PDZRN4: variants seen among roughly 807,000 people sequenced by gnomAD.
The protein encoded by PDZRN4 is PDZ domain containing ring finger 4.
Under a neutral mutation model 99.0 loss-of-function variants are expected in PDZRN4, and 70 were observed. The ratio of observed to expected loss-of-function variants is 0.71; its 90% CI spans 0.58 to 0.86. The LOEUF (loss-of-function observed/expected upper bound fraction) is 0.86. Ranked by LOEUF, PDZRN4 falls within the 40% of genes least tolerant of loss-of-function variation. The probability of loss-of-function intolerance (pLI) is 0.00; values close to 1 mark genes in which losing one functional copy is unlikely to be tolerated. For missense variants in PDZRN4, 1,474 were observed against 1,331.2 expected, an observed-to-expected ratio of 1.11 and a Z score of -1.67; for synonymous variants, 551 against 501.6, an observed-to-expected ratio of 1.10 and a Z score of -1.32.
At chr12:41,366,595 A>G (rs1013973035) in intron 3 of PDZRN4, among the ~76,000 whole-genome samples, 2 of 152,116 alleles carry the variant, frequency 1.3e-5, no homozygotes, top group Non-Finnish European at 2.9e-5. Context: ...GGAATATACC[A>G]TAATGTTTCC....
intron 3 of PDZRN4, among the ~76,000 whole-genome samples, chr12:41,381,554 C>G (rs1327653523): frequency 2.0e-5 from 3 of 152,010 alleles, no homozygotes; most frequent in Admixed American, 2.0e-4. Context: ...TCATTGTGTT[C>G]TTCAGCTCTT....
intron 3 of PDZRN4, among the ~76,000 whole-genome samples, chr12:41,491,451 G>A (rs1441778558): frequency 6.6e-6 from 1 of 152,172 alleles, no homozygotes; most frequent in Non-Finnish European, 1.5e-5. Flanking sequence ...GAACCTGTGA[G>A]GTGGAGGTTG....
intron 3 of PDZRN4, among the ~76,000 whole-genome samples, chr12:41,224,673 G>A (rs1462950684): frequency 2.0e-5 from 3 of 152,154 alleles, no homozygotes; most frequent in Non-Finnish European, 4.4e-5. Context: ...ATCTGAGTTT[G>A]TGTCTTAGAG....
chr12:41,488,805 T>A (rs539913140), intron 3 of PDZRN4, among the ~76,000 whole-genome samples: 1 of 152,228 alleles, frequency 6.6e-6, no homozygotes, highest in Non-Finnish European at 1.5e-5. Context: ...GGTGAAGCTC[T>A]ATCCTTCAAC....
At chr12:41,437,748 A>G (rs1952643177) in intron 3 of PDZRN4, 9 of 1,487,576 alleles carry the variant, frequency 6.1e-6, no homozygotes, top group Non-Finnish European at 7.1e-6. Flanking sequence ...CAAGATACTT[A>G]GGGAAAGCGA....
intron 3 of PDZRN4, among the ~76,000 whole-genome samples, chr12:41,396,615 G>T (rs1320882167): frequency 6.6e-6 from 1 of 152,114 alleles, no homozygotes; most frequent in Non-Finnish European, 1.5e-5. Context: ...TTTTGATCAA[G>T]GCGTTGGCTG....
intron 3 of PDZRN4, among the ~76,000 whole-genome samples, chr12:41,475,997 T>C (rs1343679266): frequency 6.6e-6 from 1 of 152,126 alleles, no homozygotes; most frequent in East Asian, 1.9e-4. Flanking sequence ...AAATCCTCCT[T>C]AGCACCCAGC....
chr12:41,508,947 G>A (rs899890061), intron 4 of PDZRN4, among the ~76,000 whole-genome samples: 7 of 152,122 alleles, frequency 4.6e-5, no homozygotes, highest in African/African-American at 9.7e-5. Flanking sequence ...GGCTTTTTCA[G>A]TGTCTTTTAG....
At chr12:41,243,513 A>C (rs1418838005) in intron 3 of PDZRN4, among the ~76,000 whole-genome samples, 1 of 152,226 alleles carries the variant, frequency 6.6e-6, no homozygotes, top group Non-Finnish European at 1.5e-5. Flanking sequence ...TTATTCATGC[A>C]AGTGATATCA....
chr12:41,234,374 C>T (rs1198679035), intron 3 of PDZRN4, among the ~76,000 whole-genome samples: 2 of 152,122 alleles, frequency 1.3e-5, no homozygotes, highest in Non-Finnish European at 2.9e-5. Context: ...TAGAAAAGTT[C>T]AAATGTATTT....
chr12:41,499,967 G>A (rs570205658), intron 3 of PDZRN4, among the ~76,000 whole-genome samples: 3 of 151,978 alleles, frequency 2.0e-5, no homozygotes, highest in Admixed American at 6.6e-5. Context: ...GTTGCAAATG[G>A]GTGTTATGTT....
intron 5 of PDZRN4, among the ~76,000 whole-genome samples, chr12:41,528,577 A>G (rs2406090): frequency 6.6e-6 from 1 of 152,208 alleles, no homozygotes; most frequent in Non-Finnish European, 1.5e-5. Flanking sequence ...AGTTGTTTTT[A>G]AAAACATGAG....
At chr12:41,358,366 A>G (rs1951942451) in intron 3 of PDZRN4, among the ~76,000 whole-genome samples, 1 of 151,976 alleles carries the variant, frequency 6.6e-6, no homozygotes. Context: ...CTTATATTTA[A>G]CCAATAAATT....
rs187726370 is a variant in PDZRN4, at chr12:41,567,554, A to G, written c.1468-229A>G. Among the ~76,000 whole-genome samples the G allele has an allele frequency of 2.6e-5, 4 of 151,918 alleles. No individual in the cohort carries two copies. In the East Asian group the frequency reaches 7.7e-4, roughly 29 times the overall value. ...GTGCTGTGAGATTTACTTGGTTATG[A>G]GAGAAAATCTGTAGTCCCATTTCAG... is the stretch of plus-strand genomic sequence containing the variant. On this transcript the variant is annotated intron_variant, in intron 8 of 9. Transcript: ENST00000402685.
At chr12:41,383,062 G>C (rs1184702815) in intron 3 of PDZRN4, among the ~76,000 whole-genome samples, 1 of 152,140 alleles carries the variant, frequency 6.6e-6, no homozygotes, top group Non-Finnish European at 1.5e-5. Flanking sequence ...ATGATATTAT[G>C]ATTTTGTAAT....
chr12:41,263,642 C>T (rs1951258488), intron 3 of PDZRN4, among the ~76,000 whole-genome samples: 1 of 151,360 alleles, frequency 6.6e-6, no homozygotes, highest in African/African-American at 2.4e-5. Context: ...AGCCGAGATC[C>T]CACCACTGCA....
At chr12:41,354,364 A>C (rs1032024632) in intron 3 of PDZRN4, among the ~76,000 whole-genome samples, 2 of 152,022 alleles carry the variant, frequency 1.3e-5, no homozygotes, top group Non-Finnish European at 2.9e-5. Flanking sequence ...ATGTATTTGC[A>C]TCAGAGGGAA....
chr12:41,443,325 AG>A (rs1161160035), intron 3 of PDZRN4, among the ~76,000 whole-genome samples: 4 of 152,132 alleles, frequency 2.6e-5, no homozygotes, highest in Middle Eastern at 3.4e-3. Flanking sequence ...AAATGATGAA[AG>A]GGTTTTTAAA....
At chr12:41,202,028 T>C (rs2120666899) in intron 3 of PDZRN4, among the ~76,000 whole-genome samples, 1 of 152,292 alleles carries the variant, frequency 6.6e-6, no homozygotes, top group Admixed American at 6.5e-5. Flanking sequence ...AAAGCAGATG[T>C]GCAGAGAATG....
Sources: allele counts gnomAD v4.1 joint callset (sites outside exome capture counted in the v4.1 genomes callset), GRCh38; gene constraint gnomAD v4.1.1; transcripts MANE v1.5; gene names NCBI Gene and HGNC (gene_info 2026-07-23, HGNC 2026-07-21).